ASIC2: variants seen among roughly 807,000 people sequenced by gnomAD.
ASIC2 encodes acid sensing ion channel subunit 2, also known as acid-sensing ion channel 2.
Under a neutral mutation model 57.3 loss-of-function variants are expected in ASIC2, and 25 were observed. The observed-to-expected ratio is 0.44, with a 90% CI of 0.32 to 0.61. The LOEUF is 0.61. ASIC2 is among the 20% of genes least tolerant of loss of function. The pLI is 0.06. For missense variants in ASIC2, 641 were observed against 738.1 expected (o/e 0.87, Z 1.52); for synonymous variants, 319 against 307.5 (o/e 1.04, Z -0.39).
At chr17:33,520,212 A>G (rs1331350854) in intron 1 of ASIC2, among the ~76,000 whole-genome samples, 1 of 152,144 alleles carries the variant, frequency 6.6e-6, no homozygotes, top group African/African-American at 2.4e-5. Flanking sequence ...TCCTGTTGTG[A>G]TTAGAAGTAT....
At chr17:33,168,916 G>A (rs1212668403) in intron 1 of ASIC2, among the ~76,000 whole-genome samples, 1 of 152,114 alleles carries the variant, frequency 6.6e-6, no homozygotes, top group African/African-American at 2.4e-5. Context: ...GACTAATACT[G>A]ATAGAAAAAA....
intron 1 of ASIC2, among the ~76,000 whole-genome samples, chr17:33,404,975 A>C (rs1910416411): frequency 6.6e-6 from 1 of 151,982 alleles, no homozygotes; most frequent in Non-Finnish European, 1.5e-5. Context: ...AAGCAGTGGG[A>C]GCTACTGAAC....
chr17:33,066,206 T>C (rs946598779), intron 3 of ASIC2, among the ~76,000 whole-genome samples: 6 of 152,082 alleles, frequency 3.9e-5, no homozygotes, highest in African/African-American at 1.4e-4. Flanking sequence ...ACTTCCAGAA[T>C]TGGGGACTTG....
At chr17:33,021,444 C>A (rs886555391) in intron 6 of ASIC2, 134 bp from the exon 7 acceptor site, 5 of 711,286 alleles carry the variant, frequency 7.0e-6, no homozygotes, top group Non-Finnish European at 2.3e-6. Flanking sequence ...AAAGTTAGAG[C>A]TGGTTAGTGG....
At chr17:34,105,947 G>T (rs9910415) in intron 1 of ASIC2, among the ~76,000 whole-genome samples, 2 of 151,468 alleles carry the variant, frequency 1.3e-5, no homozygotes, top group Non-Finnish European at 3.0e-5. Context: ...CATCCATATT[G>T]TAATTTTGTC....
Position 33,113,239 on chromosome 17 carries a change from A to G in ASIC2, c.709-1172T>C, listed in dbSNP as rs142977237. ...GAACCAAATAAAACCTCGCAGCCTCAATGTCTCCATCTATAAAATGGGGGT... is the reference window on the plus strand; with the variant it reads ...GAACCAAATAAAACCTCGCAGCCTCGATGTCTCCATCTATAAAATGGGGGT... On this transcript the variant is annotated intron_variant, in intron 1 of 9. Coordinates refer to ENST00000225823, the MANE Select transcript of ASIC2 (RefSeq NM_183377.2). Among the ~76,000 whole-genome samples, 50 of 152,288 alleles carry G rather than the reference A, an allele frequency of 3.3e-4. 1 individual carries two copies. In the East Asian group the frequency reaches 4.2e-3, roughly 13 times the overall value.
intron 1 of ASIC2, among the ~76,000 whole-genome samples, chr17:33,331,556 A>G (rs1907311939): frequency 1.3e-5 from 2 of 152,216 alleles, no homozygotes; most frequent in South Asian, 4.1e-4. Flanking sequence ...CATAGAATTG[A>G]AAGACTTTTT....
chr17:33,683,358 A>G (rs1177153120), intron 1 of ASIC2, among the ~76,000 whole-genome samples: 2 of 152,186 alleles, frequency 1.3e-5, no homozygotes, highest in East Asian at 3.9e-4. Flanking sequence ...GAGCCACCGC[A>G]CCTTGCCTAA....
intron 1 of ASIC2, among the ~76,000 whole-genome samples, chr17:33,618,314 A>G (rs977293): frequency 0.46 from 69,920 of 151,616 alleles, 16,379 homozygotes; most frequent in Middle Eastern, 0.54. Flanking sequence ...TCAGCCTCCC[A>G]AGTAGCTGAG....
At chr17:33,763,043 C>A (rs189530330) in intron 1 of ASIC2, among the ~76,000 whole-genome samples, 1 of 152,256 alleles carries the variant, frequency 6.6e-6, no homozygotes, top group East Asian at 1.9e-4. Context: ...TGAACTTGAC[C>A]AATGTTACAC....
At chr17:33,509,658 G>A (rs566561669) in intron 1 of ASIC2, among the ~76,000 whole-genome samples, 3 of 152,358 alleles carry the variant, frequency 2.0e-5, no homozygotes, top group South Asian at 2.1e-4. Context: ...GTCAGGCCCC[G>A]CAGAGAGAAG....
At chr17:34,089,133 C>G (rs942638918) in intron 1 of ASIC2, among the ~76,000 whole-genome samples, 3 of 152,348 alleles carry the variant, frequency 2.0e-5, no homozygotes, top group African/African-American at 7.2e-5. Context: ...CTGCGTCGTT[C>G]ATGCTGGGAG....
At chr17:33,848,394 C>T (rs2141913619) in intron 1 of ASIC2, among the ~76,000 whole-genome samples, 1 of 152,232 alleles carries the variant, frequency 6.6e-6, no homozygotes, top group South Asian at 2.1e-4. Context: ...TGAAAGTGAG[C>T]TACTGCTTGG....
intron 1 of ASIC2, among the ~76,000 whole-genome samples, chr17:33,660,811 G>A (rs1425950549): frequency 6.6e-6 from 1 of 152,150 alleles, no homozygotes; most frequent in African/African-American, 2.4e-5. Flanking sequence ...GGACTGAAAC[G>A]TCGTTATGCG....
At chr17:33,811,170 T>C (rs1046592864) in intron 1 of ASIC2, among the ~76,000 whole-genome samples, 6 of 152,142 alleles carry the variant, frequency 3.9e-5, no homozygotes, top group African/African-American at 1.4e-4. Flanking sequence ...CAATTACAGA[T>C]CATTAAAGCA....
At chr17:33,381,130 G>A (rs180934360) in intron 1 of ASIC2, among the ~76,000 whole-genome samples, 145 of 152,310 alleles carry the variant, frequency 9.5e-4, no homozygotes, top group Non-Finnish European at 1.6e-3. Context: ...TGCTTTGTCC[G>A]TAGAGAACAA....
At chr17:33,748,584 G>A (rs989950001) in intron 1 of ASIC2, among the ~76,000 whole-genome samples, 1 of 152,160 alleles carries the variant, frequency 6.6e-6, no homozygotes, top group Non-Finnish European at 1.5e-5. Flanking sequence ...GGAAGTGGCA[G>A]GATACTGCCC....
At chr17:33,191,953 T>C (rs537346429) in intron 1 of ASIC2, among the ~76,000 whole-genome samples, 3 of 152,288 alleles carry the variant, frequency 2.0e-5, no homozygotes, top group South Asian at 2.1e-4. Flanking sequence ...GCTTGGATGT[T>C]GCAGAATTTA....
chr17:34,021,625 C>A (rs569375904), intron 1 of ASIC2, among the ~76,000 whole-genome samples: 11 of 152,128 alleles, frequency 7.2e-5, no homozygotes, highest in Admixed American at 3.9e-4. Flanking sequence ...TCTCTCTCCC[C>A]CTTCCTCTAA....
Sources: allele counts gnomAD v4.1 joint callset (sites outside exome capture counted in the v4.1 genomes callset), GRCh38; gene constraint gnomAD v4.1.1; transcripts MANE v1.5; gene names NCBI Gene and HGNC (gene_info 2026-07-23, HGNC 2026-07-21).